The following IZUMO4 variants were observed in gnomAD, a reference collection of about 807,000 sequenced individuals.
IZUMO4 encodes izumo sperm-egg fusion protein 4.
In IZUMO4, 51 loss-of-function variants were observed where a neutral mutation model predicts 37.1. That is an observed-to-expected ratio of 1.38 (90% confidence interval 1.10 to 1.74). The LOEUF (loss-of-function observed/expected upper bound fraction) is 1.74, where lower values mean the gene tolerates loss of function less well. IZUMO4 is among the 40% of genes most tolerant of loss of function. The pLI is 0.00. For synonymous variants in IZUMO4, 162 were observed against 121.4 expected (o/e 1.33, Z -2.20); for missense variants, 364 against 299.6 (o/e 1.21, Z -1.59).
rs182143930 is a variant in IZUMO4 at position 2,098,982 on chromosome 19, C to A, written c.561C>A (p.Arg187=). The change falls in exon 9 of 10, where the codon CGC becomes CGA. Residue 187 remains arginine (R), a synonymous_variant. Coordinates refer to ENST00000395301, the MANE Select transcript of IZUMO4 (RefSeq NM_001039846.2). ...WHKQDTSMRP[R]SSAFSWPGTH... ...GTGGTGGTTTCATGAACAGACCACG[C>A]TCCTCTGCCTTCTCCTGGCCTGGGA... is the stretch of plus-strand genomic sequence containing the variant. The A allele has an allele frequency of 6.2e-7, 1 of 1,613,192 alleles. No homozygotes were observed. Among genetic ancestry groups the A allele is most frequent in the African/African-American group, 1.3e-5 (1 of 75,052 alleles).
rs375446174 is a variant in IZUMO4 at position 2,098,430 on chromosome 19, T to G, written c.522-6T>G. 9.4e-5 allele frequency: 152 copies of G among 1,613,804 alleles called. 1 individual carries two copies. The highest frequency in any genetic ancestry group is 1.1e-4 in the Non-Finnish European group (130 of 1,180,014). Reference sequence around the variant, plus strand: ...CCTCCTGAGTCCAAACCCACTGTCTTTGTAGAAATAACTGGCACAAGTAAG... The same window carrying G: ...CCTCCTGAGTCCAAACCCACTGTCTGTGTAGAAATAACTGGCACAAGTAAG... On this transcript the variant is annotated splice_region_variant and splice_polypyrimidine_tract_variant and intron_variant, in intron 6 of 9. Coordinates refer to ENST00000395301, the MANE Select transcript of IZUMO4 (RefSeq NM_001039846.2).
Position 2,099,235 on chromosome 19 carries a change from G to A in IZUMO4, c.609-20G>A. On this transcript the variant is annotated intron_variant, in intron 9 of 9. Coordinates refer to ENST00000395301, the MANE Select transcript of IZUMO4 (RefSeq NM_001039846.2). Reference sequence around the variant, plus strand: ...GGGGTGGGGGACATGGAGAGCTGAGGCAGCCTCGTCTCCCCGCAGCCTGGT... The same window carrying A: ...GGGGTGGGGGACATGGAGAGCTGAGACAGCCTCGTCTCCCCGCAGCCTGGT... 1.9e-6 allele frequency: 3 copies of A among 1,606,670 alleles called. No homozygotes were observed. Among genetic ancestry groups the A allele is most frequent in the Non-Finnish European group, 2.6e-6 (3 of 1,173,964 alleles).
Position 2,097,350 on chromosome 19 carries a change from G to A in IZUMO4, c.298+18G>A, listed in dbSNP as rs770258589. On this transcript the variant is annotated intron_variant, in intron 2 of 9. Transcript: ENST00000395301. ...CTTCCCCGGTAAGGGGCGCGAAACC[G>A]AGGCGGGGCCCCCCCACCCCGGGAC... 1.2e-6 allele frequency: 2 copies of A among 1,612,280 alleles called. No individual in the cohort carries two copies. The highest frequency in any genetic ancestry group is 1.7e-5 in the Admixed American group (1 of 60,008).
intron 8 of IZUMO4, 73 bp from the exon 9 acceptor site, chr19:2,098,903 G>C: frequency 1.3e-6 from 2 of 1,583,336 alleles, no homozygotes; most frequent in South Asian, 2.2e-5. Context: ...TGCAGGTGGG[G>C]CTCTCCCTAT....
intron 7 of IZUMO4, 122 bp downstream of exon 7, chr19:2,098,572 T>C: frequency 1.2e-6 from 2 of 1,604,978 alleles, no homozygotes; most frequent in Non-Finnish European, 8.5e-7. Flanking sequence ...CCCGAGGAGG[T>C]GGAACCTCAA....
Position 2,098,547 on chromosome 19 carries a change from C to T in IZUMO4, c.536+97C>T, listed in dbSNP as rs558995020. ...CACAGGCTGGCTCCCTCAGCTCCCA[C>T]GTCCTAGAGGGGCTCCCGAGGAGGT... On this transcript the variant is annotated intron_variant, in intron 7 of 9. Transcript: ENST00000395301. 467 of 1,607,274 alleles carry T rather than the reference C, an allele frequency of 2.9e-4. 1 individual carries two copies. Among genetic ancestry groups the T allele is most frequent in the African/African-American group, 2.2e-3 (167 of 74,998 alleles).
At chr19:2,098,658 C>G (rs775828372) in intron 7 of IZUMO4, 129 bp from the exon 8 acceptor site, 2 of 1,559,120 alleles carry the variant, frequency 1.3e-6, no homozygotes, top group Non-Finnish European at 1.7e-6. Flanking sequence ...AGGCGGGCAT[C>G]TTTCCTAAAG....
In IZUMO4 at chr19:2,097,781, C is replaced by A. The variant is rs942526663; in HGVS notation, c.371-148C>A. 17 of 1,030,234 alleles carry A rather than the reference C, an allele frequency of 1.7e-5. No individual in the cohort carries two copies. The African/African-American group carries it at 2.6e-4, about 16-fold the overall frequency. The allele number at this position is 1,030,234 out of a possible 1,614,324, so 63.8% of individuals were successfully genotyped here. A position where few individuals can be genotyped will look rare whatever the true frequency, so the allele number is the denominator to read the frequency against. ...GGGTCAACCTGGGGACCCCTTCCCT[C>A]CGGGCCATGGACACACATACATGAA... On this transcript the variant is annotated intron_variant, in intron 3 of 9. Transcript: ENST00000395301.
Position 2,097,425 on chromosome 19 carries a change from G to A in IZUMO4, c.300G>A (p.Gly100=), listed in dbSNP as rs775975267. The A allele has an allele frequency of 6.2e-7, 1 of 1,612,966 alleles. No homozygotes were observed. Residue 100 remains glycine (G), a splice_region_variant and synonymous_variant, in exon 3 of 10, where the codon GGG becomes GGA. Transcript: ENST00000395301. ...CCTTCTCCTGCCTCGACGACTCAGG[G>A]TATTTCCCCAACGAGCTGCGAAACA... ...QLYQGKMYFP[G]YFPNELRNIF... is the part of the protein sequence containing the mutation.
At position 2,098,321 on chromosome 19, in the gene IZUMO4, C is replaced by T. The variant is rs2144956024; in HGVS notation, c.508C>T (p.Leu170Phe). The change falls in exon 6 of 10, where the codon CTC (leucine) becomes TTC (phenylalanine). Residue 170 changes from leucine (L) to phenylalanine (F), a missense_variant. Transcript: ENST00000395301. ...GCAGTGGAAGTCAGCTGTCCAGGGCCTCCTGAACTACATGTGAGTGGGGTC... is the reference window on the plus strand; with the variant it reads ...GCAGTGGAAGTCAGCTGTCCAGGGCTTCCTGAACTACATGTGAGTGGGGTC... ...SAQWKSAVQGLLNYINNWHKQ... is the reference protein window; with the variant it reads ...SAQWKSAVQGFLNYINNWHKQ... 3 of 1,614,008 alleles carry T rather than the reference C, an allele frequency of 1.9e-6. No homozygotes were observed. Among genetic ancestry groups the T allele is most frequent in the Non-Finnish European group, 2.5e-6 (3 of 1,180,028 alleles).
At position 2,097,973 on chromosome 19, in the gene IZUMO4, C is replaced by T; in HGVS notation, c.397+18C>T. ...CCGCTGTGGTAAGCAAGGCTCCGTCCAGGCTGAGGGGCGTGCCGGTGGCAG... is the reference window on the plus strand; with the variant it reads ...CCGCTGTGGTAAGCAAGGCTCCGTCTAGGCTGAGGGGCGTGCCGGTGGCAG... On this transcript the variant is annotated intron_variant, in intron 4 of 9. Coordinates refer to ENST00000395301, the MANE Select transcript of IZUMO4 (RefSeq NM_001039846.2). 1.9e-6 allele frequency: 3 copies of T among 1,613,270 alleles called. No homozygotes were observed. Among genetic ancestry groups the T allele is most frequent in the Non-Finnish European group, 2.5e-6 (3 of 1,179,978 alleles).
Position 2,099,318 on chromosome 19 carries a change from T to C in IZUMO4, c.672T>C (p.Asp224=), listed in dbSNP as rs764173644. The part of the protein sequence containing the change: ...PPHLANLTLE[D]AAECLKQH ...ACTTGGCCAACCTGACCTTGGAAGA[T>C]GCTGCTGAGTGTCTCAAGCAGCACT... The change falls in exon 10 of 10, where the codon GAT becomes GAC. Residue 224 remains aspartate (D), a synonymous_variant. Coordinates refer to ENST00000395301, the MANE Select transcript of IZUMO4 (RefSeq NM_001039846.2). The C allele has an allele frequency of 1.9e-6, 3 of 1,613,274 alleles. No homozygotes were observed. The highest frequency in any genetic ancestry group is 2.5e-6 in the Non-Finnish European group (3 of 1,179,860).
rs974425667 is a variant in IZUMO4, at chr19:2,097,470, C to G, written c.345C>G (p.His115Gln). The change falls in exon 3 of 10, where the codon CAC (histidine) becomes CAG (glutamine). Residue 115 changes from histidine to glutamine, a missense_variant. His to Gln is a conservative substitution (Grantham distance 24). Transcript: ENST00000395301. ...ELRNIFREQVHLIQNAIIESR... is the reference protein window; with the variant it reads ...ELRNIFREQVQLIQNAIIESR... ...GAAACATCTTCCGGGAGCAGGTGCA[C>G]CTCATCCAGAACGCCATCATCGAAA... is the stretch of plus-strand genomic sequence containing the variant. The G allele has an allele frequency of 5.6e-6, 9 of 1,613,180 alleles. No individual in the cohort carries two copies. The African/African-American group carries it at 1.2e-4, about 22-fold the overall frequency.
Position 2,098,962 on chromosome 19 carries a change from G to A in IZUMO4, c.555-14G>A. On this transcript the variant is annotated splice_polypyrimidine_tract_variant and intron_variant, in intron 8 of 9. Coordinates refer to ENST00000395301, the MANE Select transcript of IZUMO4 (RefSeq NM_001039846.2). ...ACCTCTGCAACCACACCCATGTGGT[G>A]GTTTCATGAACAGACCACGCTCCTC... 1 of 1,612,888 alleles carries A rather than the reference G, an allele frequency of 6.2e-7. No individual in the cohort carries two copies.
chr19:2,098,389 G>A lies in IZUMO4; in HGVS notation c.522-47G>A, dbSNP rs141338693. 2.6e-4 allele frequency: 425 copies of A among 1,613,946 alleles called. 3 individuals carry two copies. In the East Asian group the frequency reaches 9.3e-3, roughly 35 times the overall value. On this transcript the variant is annotated intron_variant, in intron 6 of 9. Coordinates refer to ENST00000395301, the MANE Select transcript of IZUMO4 (RefSeq NM_001039846.2). ...TCACCTGGGCCTGGGAGGGAACACT[G>A]GCCACGGCCACTCGGCCTCCTGAGT... is the stretch of plus-strand genomic sequence containing the variant.
chr19:2,097,640 C>T, intron 3 of IZUMO4, 145 bp downstream of exon 3: 2 of 807,056 alleles, frequency 2.5e-6, no homozygotes, highest in South Asian at 1.5e-5. Flanking sequence ...AGGGACCCAG[C>T]CTAGCACCTG....
At position 2,098,795 on chromosome 19, in the gene IZUMO4, C is replaced by T. The variant is rs150988004; in HGVS notation, c.545C>T (p.Thr182Met). 913 of 1,600,034 alleles carry T rather than the reference C, an allele frequency of 5.7e-4. 4 individuals carry two copies. Among genetic ancestry groups the T allele is most frequent in the East Asian group, 7.8e-4 (35 of 44,706 alleles). The change falls in exon 8 of 10, where the codon ACG becomes ATG. Residue 182 changes from threonine to methionine, a missense_variant. Transcript: ENST00000395301. ...CCCACATTGCCTTTCAGACAGGACACGAGCATGAGGTAAGGCCGCCCTGAC... is the reference window on the plus strand; with the variant it reads ...CCCACATTGCCTTTCAGACAGGACATGAGCATGAGGTAAGGCCGCCCTGAC... ...NYINNWHKQD[T>M]SMRPRSSAFS...
chr19:2,098,761 GC>G (rs753831779), intron 7 of IZUMO4, 25 bp from the exon 8 acceptor site: 35 of 1,605,068 alleles, frequency 2.2e-5, no homozygotes, highest in Non-Finnish European at 2.8e-5. Flanking sequence ...CCATGGAGGG[GC>G]TGACTGCCCC....
Position 2,099,407 on chromosome 19 carries a change from T to C in IZUMO4, c.*62T>C. 2.5e-6 allele frequency: 3 copies of C among 1,220,070 alleles called. No homozygotes were observed. Among genetic ancestry groups the C allele is most frequent in the Non-Finnish European group, 3.5e-6 (3 of 850,444 alleles). 75.6% of individuals were successfully genotyped at this position (1,220,070 alleles called of 1,614,324 possible). ...GAGACTCAGCTGGACAGCCCCTGCC[T>C]GTCACTCTGGAGCTGGGCTGCTGCT... On this transcript the variant is annotated 3_prime_UTR_variant, in exon 10 of 10. Coordinates refer to ENST00000395301, the MANE Select transcript of IZUMO4 (RefSeq NM_001039846.2).
Sources: allele counts gnomAD v4.1 joint callset, GRCh38; gene constraint gnomAD v4.1.1; transcripts MANE v1.5; gene names NCBI Gene and HGNC (gene_info 2026-07-23, HGNC 2026-07-21).